The following CRMP1 variants were observed in gnomAD, a reference collection of about 807,000 sequenced individuals.
CRMP1 encodes the protein dihydropyrimidinase-related protein 1.
Under a neutral mutation model 68.3 loss-of-function variants are expected in CRMP1, and 19 were observed. The ratio of observed to expected loss-of-function variants is 0.28; its 90% CI spans 0.19 to 0.41. The LOEUF (loss-of-function observed/expected upper bound fraction) is 0.41, where lower values mean the gene tolerates loss of function less well. Among genes scored for constraint, CRMP1 ranks in the 10% least tolerant of loss-of-function variants. The pLI is 1.00. For synonymous variants in CRMP1, 439 were observed against 399.6 expected, an observed-to-expected ratio of 1.10 and a Z score of -1.18; for missense variants, 791 against 967.4, an observed-to-expected ratio of 0.82 and a Z score of 2.42.
Position 5,835,994 on chromosome 4 carries a change from A to G in CRMP1, c.1544T>C (p.Ile515Thr). 6.2e-7 allele frequency: 1 copy of G among 1,606,536 alleles called. No homozygotes were observed. The highest frequency in any genetic ancestry group is 8.5e-7 in the Non-Finnish European group (1 of 1,176,400). Residue 515 changes from isoleucine (I) to threonine (T), a missense_variant, in exon 11 of 14, where the codon ATT becomes ACT. Coordinates refer to ENST00000324989, the MANE Select transcript of CRMP1 (RefSeq NM_001014809.3). ...IFNLYPRKGR[I>T]AVGSDADVVI... The stretch of plus-strand genomic sequence containing the variant: ...CACGTCGGCATCCGAGCCCACGGCA[A>G]TCCGCCCTTTCCTTGGGTACAGGTT...
At chr4:5,886,913 G>A (rs978223263) in intron 1 of CRMP1, among the ~76,000 whole-genome samples, 3 of 152,242 alleles carry the variant, frequency 2.0e-5, no homozygotes, top group Admixed American at 1.3e-4. Context: ...CGGAGAAGAG[G>A]TGGTGCCCAC....
chr4:5,821,841 T>G lies in CRMP1; in HGVS notation c.1980A>C (p.Ile660=). The change falls in exon 14 of 14, where the codon ATA becomes ATC. Residue 660 remains isoleucine (I), a synonymous_variant. Transcript: ENST00000324989. This position sits in a 1 kb window ranked among gnomAD's most constrained non-coding sequence, Gnocchi z 4.4. The part of the protein sequence containing the change: ...QSNFSLSGAQ[I]DDNNPRRTGH... ...CGGTGCGCCTGGGATTGTTGTCATC[T>G]ATCTGGGCACCTGAAAGAGAGCGCC... The G allele has an allele frequency of 6.3e-7, 1 of 1,585,118 alleles. No individual in the cohort carries two copies. The highest frequency in any genetic ancestry group is 8.6e-7 in the Non-Finnish European group (1 of 1,169,028).
intron 3 of CRMP1, among the ~76,000 whole-genome samples, chr4:5,856,807 C>A (rs916699852): frequency 6.6e-6 from 1 of 151,630 alleles, no homozygotes; most frequent in African/African-American, 2.4e-5. Flanking sequence ...CCACCACCAC[C>A]ATCCACTATC....
chr4:5,828,752 A>T (rs936560747), intron 11 of CRMP1, 84 bp from the exon 12 acceptor site: 1 of 1,478,150 alleles, frequency 6.8e-7, no homozygotes, highest in Non-Finnish European at 9.2e-7. Flanking sequence ...GCCTAACATT[A>T]TATCATAAGC....
chr4:5,836,900 G>A lies in CRMP1; in HGVS notation c.1317C>T (p.Asp439=), dbSNP rs774155847. 1.9e-6 allele frequency: 3 copies of A among 1,610,574 alleles called. No individual in the cohort carries two copies. Among genetic ancestry groups the A allele is most frequent in the South Asian group, 2.2e-5 (2 of 90,498 alleles). ...AGTGGCCGCTGCCTGTGACCTGCAA[G>A]TCCCCACTGGCAAGGACAAAACAAG... is the stretch of plus-strand genomic sequence containing the variant. The part of the protein sequence containing the change: ...DYLTSLLACG[D]LQVTGSGHCP... The change falls in exon 10 of 14, where the codon GAC becomes GAT. Residue 439 remains aspartate (D), a synonymous_variant. Transcript: ENST00000324989.
rs1163282557 is a variant in CRMP1 at position 5,843,191 on chromosome 4, T to A, written c.964-30A>T. The A allele has an allele frequency of 6.2e-7, 1 of 1,612,608 alleles. No individual in the cohort carries two copies. The highest frequency in any genetic ancestry group is 8.5e-7 in the Non-Finnish European group (1 of 1,178,700). On this transcript the variant is annotated intron_variant, in intron 6 of 13. Coordinates refer to ENST00000324989, the MANE Select transcript of CRMP1 (RefSeq NM_001014809.3). The surrounding 1 kb of genome is among the most constrained non-coding windows in gnomAD (Gnocchi z 4.1). ...AAGACAAGAACAAGTGAGTTAACGATTAGAGGGTGTCAGAGCTGGGAGAAG... is the reference window on the plus strand; with the variant it reads ...AAGACAAGAACAAGTGAGTTAACGAATAGAGGGTGTCAGAGCTGGGAGAAG...
At position 5,855,554 on chromosome 4, in the gene CRMP1, G is replaced by A. The variant is rs1302537991; in HGVS notation, c.820+589C>T. On this transcript the variant is annotated intron_variant, in intron 4 of 13. Coordinates refer to ENST00000324989, the MANE Select transcript of CRMP1 (RefSeq NM_001014809.3). The surrounding 1 kb of genome is among the most constrained non-coding windows in gnomAD (Gnocchi z 4.9). ...AGAGGGGAGCCAAGGTGGGAAGCAG[G>A]GACATATAGACGTGGTCCCCTCCCT... is the stretch of plus-strand genomic sequence containing the variant. Among the ~76,000 whole-genome samples, 3 of 152,190 alleles carry A rather than the reference G, an allele frequency of 2.0e-5. No homozygotes were observed. The highest frequency in any genetic ancestry group is 7.2e-5 in the African/African-American group (3 of 41,434).
At position 5,888,879 on chromosome 4, in the gene CRMP1, G is replaced by T. The variant is rs1361070526; in HGVS notation, c.381+3710C>A. On this transcript the variant is annotated intron_variant, in intron 1 of 13. Transcript: ENST00000324989. The surrounding 1 kb of genome is among the most constrained non-coding windows in gnomAD (Gnocchi z 6.4). ...GGGCCAAGGATCGGCCCAAGCTGCT[G>T]GGAACGTTCTTGTCCCTCCAGGATC... Among the ~76,000 whole-genome samples the T allele has an allele frequency of 6.6e-6, 1 of 151,920 alleles. No individual in the cohort carries two copies.
Position 5,828,587 on chromosome 4 carries a change from C to T in CRMP1, c.1705G>A (p.Glu569Lys). The change falls in exon 12 of 14, where the codon GAA (glutamate) becomes AAA (lysine). Residue 569 changes from glutamate (E) to lysine (K), a missense_variant. By Grantham distance (56) the Glu-to-Lys change is moderately conservative. This residue lies in a region of CRMP1 where 594 missense variants were observed against 763.6 expected (regional missense o/e 0.78). Transcript: ENST00000324989. The part of the protein sequence containing the change: ...VVISQGKIVF[E>K]DGNINVNKGM... ...TTGTTGACGTTGATGTTTCCGTCTT[C>T]AAAGACGATCTTGCCCTGGCTGATG... 6.2e-7 allele frequency: 1 copy of T among 1,614,206 alleles called. No individual in the cohort carries two copies. The highest frequency in any genetic ancestry group is 8.5e-7 in the Non-Finnish European group (1 of 1,180,038).
intron 6 of CRMP1, among the ~76,000 whole-genome samples, chr4:5,846,294 T>G (rs1008715905): frequency 1.3e-5 from 2 of 152,088 alleles, no homozygotes; most frequent in African/African-American, 4.8e-5. Flanking sequence ...AGATTAAGTC[T>G]CAAAAAAATT....
chr4:5,878,982 C>A (rs1715042986), intron 1 of CRMP1, among the ~76,000 whole-genome samples: 1 of 152,100 alleles, frequency 6.6e-6, no homozygotes, highest in Admixed American at 6.5e-5. Flanking sequence ...GCACCTGCCC[C>A]AGATAAGCCC....
rs1400306863 is a variant in CRMP1 at position 5,866,970 on chromosome 4, G to A, written c.382-214C>T. Among the ~76,000 whole-genome samples, 6 of 151,586 alleles carry A rather than the reference G, an allele frequency of 4.0e-5. No individual in the cohort carries two copies. The East Asian group carries it at 1.2e-3, about 29-fold the overall frequency. On this transcript the variant is annotated intron_variant, in intron 1 of 13. Transcript: ENST00000324989. This position sits in a 1 kb window ranked among gnomAD's most constrained non-coding sequence, Gnocchi z 5.9. ...TCCCCTCTCACTTTGTTTTGTTTTT[G>A]CTGAGGTGTTTTAAAACAAAGCACA... is the stretch of plus-strand genomic sequence containing the variant.
rs1035609916 is a variant in CRMP1 at position 5,821,905 on chromosome 4, G to A, written c.1970-54C>T. On this transcript the variant is annotated intron_variant, in intron 13 of 13. Coordinates refer to ENST00000324989, the MANE Select transcript of CRMP1 (RefSeq NM_001014809.3). This position sits in a 1 kb window ranked among gnomAD's most constrained non-coding sequence, Gnocchi z 4.4. ...TGGGATCTGTTAGCATCAGTTCCAC[G>A]CTGCTCCTGGAGGCCATGTACTCTG... 40 of 1,354,254 alleles carry A rather than the reference G, an allele frequency of 3.0e-5. No homozygotes were observed. Among genetic ancestry groups the A allele is most frequent in the Admixed American group, 1.2e-4 (6 of 48,016 alleles). The allele number at this position is 1,354,254 out of a possible 1,614,324, so 83.9% of individuals were successfully genotyped here.
chr4:5,879,561 T>C lies in CRMP1; in HGVS notation c.382-12805A>G, dbSNP rs1452303355. 6.6e-6 allele frequency among the ~76,000 whole-genome samples: 1 copy of C among 152,214 alleles called. No individual in the cohort carries two copies. The highest frequency in any genetic ancestry group is 1.5e-5 in the Non-Finnish European group (1 of 68,050). The stretch of plus-strand genomic sequence containing the variant: ...CTGTTGGCTTCAGTTTCCTCATCTA[T>C]AAATGGAACCCATCAAAATACCTAC... On this transcript the variant is annotated intron_variant, in intron 1 of 13. Coordinates refer to ENST00000324989, the MANE Select transcript of CRMP1 (RefSeq NM_001014809.3). This position sits in a 1 kb window ranked among gnomAD's most constrained non-coding sequence, Gnocchi z 4.2.
At chr4:5,871,830 G>GA (rs1270051969) in intron 1 of CRMP1, among the ~76,000 whole-genome samples, 2 of 152,216 alleles carry the variant, frequency 1.3e-5, no homozygotes, top group African/African-American at 4.8e-5. Context: ...TTGTGGTGTG[G>GA]AAAATCTGAA....
In CRMP1 at chr4:5,884,361, T is replaced by C. The variant is rs114236230; in HGVS notation, c.381+8228A>G. On this transcript the variant is annotated intron_variant, in intron 1 of 13. Transcript: ENST00000324989. ...TTACTTGATCCTTCTTTCCTGATCA[T>C]CTTCACTGTTTAATCAAACACACAC... is the stretch of plus-strand genomic sequence containing the variant. Among the ~76,000 whole-genome samples the C allele has an allele frequency of 1.6e-3, 243 of 152,054 alleles. 1 individual carries two copies. The highest frequency in any genetic ancestry group is 5.6e-3 in the African/African-American group (234 of 41,480).
chr4:5,868,290 T>TATATATATATATAGATATATATAG (rs1205965019), intron 1 of CRMP1, among the ~76,000 whole-genome samples: 3 of 131,396 alleles, frequency 2.3e-5, no homozygotes, highest in Admixed American at 7.3e-5. Flanking sequence ...TATATATATA[T>TATATATATATATAGATATATATAG]ATATATATAT....
intron 11 of CRMP1, among the ~76,000 whole-genome samples, chr4:5,833,555 GT>G (rs1720526082): frequency 8.6e-6 from 1 of 116,368 alleles, no homozygotes; most frequent in Non-Finnish European, 1.7e-5. Context: ...TTACACATGT[GT>G]CCTCTCTCTC....
chr4:5,877,380 G>A lies in CRMP1; in HGVS notation c.382-10624C>T, dbSNP rs1014356780. Among the ~76,000 whole-genome samples, 10 of 152,152 alleles carry A rather than the reference G, an allele frequency of 6.6e-5. No homozygotes were observed. The highest frequency in any genetic ancestry group is 2.2e-4 in the African/African-American group (9 of 41,436). On this transcript the variant is annotated intron_variant, in intron 1 of 13. Transcript: ENST00000324989. The surrounding 1 kb of genome is among the most constrained non-coding windows in gnomAD (Gnocchi z 4.3). ...ATAAGAGGTTTTATAGCTCAAATAC[G>A]TCAAACTTCCATGACTTGGTCCCTA...
Sources: gnomAD v4.1 joint callset for allele counts (sites outside exome capture counted in the v4.1 genomes callset) on GRCh38, gnomAD v4.1.1 for gene constraint, gnomAD v4.1.1 regional missense constraint, Gnocchi (gnomAD v3.1) non-coding constraint, MANE v1.5 for transcripts, NCBI Gene and HGNC (gene_info 2026-07-23, HGNC 2026-07-21) for gene names.